Variants in CD96 observed in about 807,000 individuals in gnomAD.
CD96 encodes the protein CD96 molecule.
CD96 carries 70 observed loss-of-function variants against 71.3 expected under a neutral mutation model. The ratio of observed to expected loss-of-function variants is 0.98; its 90% CI spans 0.81 to 1.20. CD96 has a LOEUF of 1.20. Among genes scored for constraint, CD96 ranks in the 50% most tolerant of loss-of-function variants. The pLI is 0.00. For synonymous variants in CD96, 248 were observed against 233.0 expected, an observed-to-expected ratio of 1.06 and a Z score of -0.59; for missense variants, 742 against 677.5, an observed-to-expected ratio of 1.10 and a Z score of -1.06.
intron 5 of CD96, chr3:111,593,343 A>C: frequency 2.0e-6 from 1 of 509,228 alleles, no homozygotes. Flanking sequence ...AGTTTCGGCC[A>C]AGGGTCAGCA....
chr3:111,558,934 G>A (rs962022349), intron 2 of CD96, among the ~76,000 whole-genome samples: 19 of 152,042 alleles, frequency 1.2e-4, no homozygotes, highest in African/African-American at 4.6e-4. Flanking sequence ...GTTTAGTCTT[G>A]GGAGAGTGTA....
chr3:111,559,155 C>T (rs1160339636), intron 2 of CD96, among the ~76,000 whole-genome samples: 2 of 150,914 alleles, frequency 1.3e-5, no homozygotes, highest in African/African-American at 4.9e-5. Flanking sequence ...TTTCAAAAAA[C>T]CAGCTCCTGG....
At chr3:111,581,588 G>T (rs1370044374) in intron 4 of CD96, among the ~76,000 whole-genome samples, 2 of 152,142 alleles carry the variant, frequency 1.3e-5, no homozygotes, top group African/African-American at 4.8e-5. Context: ...CTCCTTCACT[G>T]GTCTCCTTTG....
At chr3:111,599,215 G>T (rs1044382279) in intron 6 of CD96, among the ~76,000 whole-genome samples, 4 of 152,118 alleles carry the variant, frequency 2.6e-5, no homozygotes, top group Non-Finnish European at 2.9e-5. Context: ...TGATCCGCCC[G>T]CCTCAGCCTC....
intron 7 of CD96, among the ~76,000 whole-genome samples, chr3:111,605,296 C>T (rs1253224945): frequency 6.6e-6 from 1 of 152,142 alleles, no homozygotes; most frequent in African/African-American, 2.4e-5. Context: ...TGAGAAGGTA[C>T]ATTCAGGAAA....
intron 12 of CD96, among the ~76,000 whole-genome samples, chr3:111,641,072 G>T (rs1939568184): frequency 6.6e-6 from 1 of 152,028 alleles, no homozygotes. Context: ...AAAAATACAA[G>T]TTAAAAAGCA....
chr3:111,567,520 C>T lies in CD96; in HGVS notation c.419-3C>T. 6.2e-7 allele frequency: 1 copy of T among 1,604,642 alleles called. No individual in the cohort carries two copies. ...ATATTTTCTACCTTATGTTTTGTTACAGTTACAGCAGATGAATGGAACAGC... is the reference window on the plus strand; with the variant it reads ...ATATTTTCTACCTTATGTTTTGTTATAGTTACAGCAGATGAATGGAACAGC... On this transcript the variant is annotated splice_region_variant and splice_polypyrimidine_tract_variant and intron_variant, in intron 2 of 13. Coordinates refer to ENST00000352690, the MANE Select transcript of CD96 (RefSeq NM_005816.5).
At chr3:111,658,656 A>G (rs961131132) in intron 14 of CD96, among the ~76,000 whole-genome samples, 5 of 152,218 alleles carry the variant, frequency 3.3e-5, no homozygotes, top group Admixed American at 6.5e-5. Flanking sequence ...CAAAATTAAT[A>G]TCATCAGTGA....
intron 3 of CD96, among the ~76,000 whole-genome samples, chr3:111,568,080 G>A (rs1467736154): frequency 6.6e-6 from 1 of 152,176 alleles, no homozygotes; most frequent in Middle Eastern, 3.2e-3. Context: ...GGGTTAGATA[G>A]GGAAGCACAG....
intron 2 of CD96, among the ~76,000 whole-genome samples, chr3:111,563,255 C>T (rs1414816042): frequency 6.6e-6 from 1 of 152,206 alleles, no homozygotes; most frequent in Non-Finnish European, 1.5e-5. Flanking sequence ...GCCACTCACT[C>T]CAGATGGGAA....
At chr3:111,576,676 G>A (rs1263396583) in intron 3 of CD96, among the ~76,000 whole-genome samples, 1 of 152,114 alleles carries the variant, frequency 6.6e-6, no homozygotes, top group Non-Finnish European at 1.5e-5. Context: ...CTACATAGTT[G>A]TAAGAAGTAA....
rs773231175 is a variant in CD96, at chr3:111,594,172, C to T, written c.808-3948C>T. 12 of 1,603,710 alleles carry T rather than the reference C, an allele frequency of 7.5e-6. No individual in the cohort carries two copies. In the African/African-American group the frequency reaches 1.5e-4, roughly 20 times the overall value. On this transcript the variant is annotated intron_variant, in intron 5 of 13. Transcript: ENST00000352690. ...CCCCTTTTGCCTTCATCATTGTTCC[C>T]TCCTCTTCCTCGTCTTCCCGCCTCA... is the stretch of plus-strand genomic sequence containing the variant.
At chr3:111,639,226 C>T (rs553379093) in intron 12 of CD96, among the ~76,000 whole-genome samples, 1 of 152,192 alleles carries the variant, frequency 6.6e-6, no homozygotes, top group African/African-American at 2.4e-5. Context: ...GATAGCCTCA[C>T]AAATTTTCAA....
chr3:111,613,091 TTTC>T (rs1938038170), intron 8 of CD96, among the ~76,000 whole-genome samples: 1 of 152,196 alleles, frequency 6.6e-6, no homozygotes, highest in South Asian at 2.1e-4. Context: ...TAAAAGGATT[TTTC>T]TTTTTTCTAC....
intron 10 of CD96, chr3:111,635,053 A>T (rs1376667763): frequency 1.3e-5 from 2 of 153,448 alleles, no homozygotes; most frequent in African/African-American, 4.8e-5. Flanking sequence ...TCATCAAAAG[A>T]TGAATCACTA....
At chr3:111,593,891 CT>C in intron 5 of CD96, 1 of 1,613,744 alleles carries the variant, frequency 6.2e-7, no homozygotes, top group Non-Finnish European at 8.5e-7. Flanking sequence ...TCTGTGCATG[CT>C]TTTCAGATGC....
At chr3:111,625,336 G>A (rs60562379) in intron 10 of CD96, among the ~76,000 whole-genome samples, 1 of 152,020 alleles carries the variant, frequency 6.6e-6, no homozygotes, top group Non-Finnish European at 1.5e-5. Flanking sequence ...ATCATTGGTC[G>A]ATGCATGACC....
intron 6 of CD96, among the ~76,000 whole-genome samples, chr3:111,598,411 A>G (rs1559747114): frequency 6.6e-6 from 1 of 152,218 alleles, no homozygotes; most frequent in Non-Finnish European, 1.5e-5. Flanking sequence ...ATTTTCCAGA[A>G]TAAAAGAAAT....
chr3:111,553,291 T>A (rs1162759945), intron 2 of CD96, among the ~76,000 whole-genome samples: 1 of 152,010 alleles, frequency 6.6e-6, no homozygotes, highest in Non-Finnish European at 1.5e-5. Context: ...ATTTGTTGAA[T>A]AAATTTGATG....
Sources: allele counts gnomAD v4.1 joint callset (sites outside exome capture counted in the v4.1 genomes callset), GRCh38; gene constraint gnomAD v4.1.1; transcripts MANE v1.5; gene names NCBI Gene and HGNC (gene_info 2026-07-23, HGNC 2026-07-21).